Variants in LARP1B observed in about 807,000 individuals in gnomAD.
The protein encoded by LARP1B is La ribonucleoprotein 1B.
LARP1B carries 76 observed loss-of-function variants against 114.2 expected under a neutral mutation model. The ratio of observed to expected loss-of-function variants is 0.67; its 90% CI spans 0.55 to 0.81. The LOEUF is 0.81. Among genes scored for constraint, LARP1B ranks in the 30% least tolerant of loss-of-function variants. The pLI is 0.00. For missense variants in LARP1B, 1,014 were observed against 1,075.8 expected (o/e 0.94, Z 0.80); for synonymous variants, 345 against 348.0 (o/e 0.99, Z 0.10).
At chr4:128,166,993 T>TACAC (rs1554050281) in intron 12 of LARP1B, among the ~76,000 whole-genome samples, 2,448 of 138,228 alleles carry the variant, frequency 0.018, 40 homozygotes, top group African/African-American at 0.036. Context: ...TATATATATA[T>TACAC]ACACACACAC....
intron 11 of LARP1B, among the ~76,000 whole-genome samples, chr4:128,137,901 G>C (rs2150174431): frequency 6.6e-6 from 1 of 151,806 alleles, no homozygotes; most frequent in Non-Finnish European, 1.5e-5. Flanking sequence ...CTCAAGCAGT[G>C]CTTCAGCCTC....
intron 1 of LARP1B, chr4:128,062,113 G>C (rs1222022053): frequency 2.0e-6 from 2 of 985,284 alleles, no homozygotes; most frequent in Admixed American, 6.1e-5. Context: ...AGCGGCAGCC[G>C]CCGCTGCTGC....
At chr4:128,153,292 C>CATTTATTTATTTATTT (rs36202530) in intron 11 of LARP1B, among the ~76,000 whole-genome samples, 1 of 140,892 alleles carries the variant, frequency 7.1e-6, no homozygotes, top group Non-Finnish European at 1.5e-5. Context: ...CTTGGTTTGC[C>CATTTATTTATTTATTT]ATTTATTTAT....
downstream of LARP1B, among the ~76,000 whole-genome samples, chr4:128,213,841 A>T (rs137896164): frequency 2.0e-3 from 302 of 152,274 alleles, 3 homozygotes; most frequent in African/African-American, 7.0e-3. Flanking sequence ...TACAGCTCCC[A>T]GCGTGAGCGA....
At chr4:128,212,473 C>T (rs1759126128), downstream of LARP1B, among the ~76,000 whole-genome samples, 1 of 151,792 alleles carries the variant, frequency 6.6e-6, no homozygotes, top group Non-Finnish European at 1.5e-5. Context: ...ATGTGAAACC[C>T]CATCTCTACT....
intron 11 of LARP1B, among the ~76,000 whole-genome samples, chr4:128,137,642 A>G (rs949648573): frequency 3.9e-5 from 6 of 151,980 alleles, no homozygotes; most frequent in African/African-American, 7.2e-5. Context: ...CATGCATACA[A>G]TGTGTAATGA....
chr4:128,098,021 T>C (rs1048667794), intron 7 of LARP1B, among the ~76,000 whole-genome samples, 165 bp from the exon 8 acceptor site: 2 of 152,242 alleles, frequency 1.3e-5, no homozygotes, highest in Admixed American at 6.5e-5. Flanking sequence ...AGTTTTTTGC[T>C]ATCTTATATG....
chr4:128,177,447 C>G (rs530467433), intron 13 of LARP1B, among the ~76,000 whole-genome samples: 1 of 152,078 alleles, frequency 6.6e-6, no homozygotes, highest in Admixed American at 6.5e-5. Flanking sequence ...CTGCTTGATT[C>G]ATCTGCTGGC....
chr4:128,206,840 A>C, intron 18 of LARP1B: 1 of 985,382 alleles, frequency 1.0e-6, no homozygotes, highest in Non-Finnish European at 1.2e-6. Context: ...CAACATCAGC[A>C]GGTAAGCTTG....
chr4:128,172,269 C>G (rs1347363005), intron 12 of LARP1B, among the ~76,000 whole-genome samples: 1 of 151,872 alleles, frequency 6.6e-6, no homozygotes, highest in Non-Finnish European at 1.5e-5. Context: ...ACCTTAATTA[C>G]GATTGCTTTG....
At chr4:128,108,914 T>G in intron 9 of LARP1B, 1 of 868,538 alleles carries the variant, frequency 1.2e-6, no homozygotes, top group South Asian at 5.3e-5. Flanking sequence ...ATGTTGTACA[T>G]TTTTGTGTTT....
At chr4:128,082,125 A>G (rs201428997) in intron 4 of LARP1B, 40 bp from the exon 5 acceptor site, 63 of 1,592,636 alleles carry the variant, frequency 4.0e-5, no homozygotes, top group Non-Finnish European at 5.3e-5. Flanking sequence ...GTTTAGTGAA[A>G]ATTGTACATT....
At chr4:128,199,803 C>T (rs1019822846) in intron 16 of LARP1B, among the ~76,000 whole-genome samples, 6 of 152,124 alleles carry the variant, frequency 3.9e-5, no homozygotes, top group African/African-American at 9.7e-5. Context: ...TTAATATACT[C>T]GGCTGAGCAT....
At chr4:128,220,927 T>C (rs1759971676) in intron 7 of LARP1B, among the ~76,000 whole-genome samples, 1 of 152,242 alleles carries the variant, frequency 6.6e-6, no homozygotes. Flanking sequence ...TGAACTCCAG[T>C]AGTCTGGCTT....
intron 7 of LARP1B, among the ~76,000 whole-genome samples, chr4:128,093,473 G>A (rs1776605909): frequency 6.6e-6 from 1 of 151,878 alleles, no homozygotes; most frequent in African/African-American, 2.4e-5. Context: ...GCGGGCGCCT[G>A]TAGTCCCAGC....
rs62334591 is a variant in LARP1B at position 128,114,998 on chromosome 4, C to T, written c.1161+256C>T. Among the ~76,000 whole-genome samples, 25,871 of 151,610 alleles carry T rather than the reference C, an allele frequency of 0.17. 2,804 individuals carry two copies. Among genetic ancestry groups the T allele is most frequent in the Middle Eastern group, 0.3 (87 of 292 alleles). ...TATTGCCCAGGCTGGAGTGCAGTGG[C>T]GCGATCTTGGCTCACTGCCACCTCT... On this transcript the variant is annotated intron_variant, in intron 10 of 19. Coordinates refer to ENST00000326639, the MANE Select transcript of LARP1B (RefSeq NM_018078.4).
At chr4:128,138,895 A>G (rs1031493967) in intron 11 of LARP1B, among the ~76,000 whole-genome samples, 1 of 152,154 alleles carries the variant, frequency 6.6e-6, no homozygotes, top group African/African-American at 2.4e-5. Flanking sequence ...AGGCAGTTGC[A>G]TTGAGCCGAG....
chr4:128,062,019 C>T (rs1355958845), intron 1 of LARP1B: 2 of 985,166 alleles, frequency 2.0e-6, no homozygotes, highest in South Asian at 4.7e-5. Flanking sequence ...CCGCCACCGC[C>T]GCCGCCGTCG....
At chr4:128,128,771 A>T (rs551432866) in intron 11 of LARP1B, among the ~76,000 whole-genome samples, 1 of 152,192 alleles carries the variant, frequency 6.6e-6, no homozygotes, top group Non-Finnish European at 1.5e-5. Flanking sequence ...GTACAAAAAA[A>T]CACAATACAA....
Sources: gnomAD v4.1 joint callset for allele counts (sites outside exome capture counted in the v4.1 genomes callset) on GRCh38, gnomAD v4.1.1 for gene constraint, MANE v1.5 for transcripts, NCBI Gene and HGNC (gene_info 2026-07-23, HGNC 2026-07-21) for gene names.